Variants in SRL observed in about 807,000 individuals in gnomAD.
SRL encodes the protein sarcalumenin.
Under a neutral mutation model 39.5 loss-of-function variants are expected in SRL, and 23 were observed. The observed-to-expected ratio is 0.58, with a 90% confidence interval of 0.42 to 0.82. SRL has a LOEUF of 0.82. SRL is among the 40% of genes least tolerant of loss of function. The pLI, the probability that SRL is intolerant of heterozygous loss-of-function variation, is 0.00. For missense variants in SRL, 592 were observed against 607.8 expected, an observed-to-expected ratio of 0.97 and a Z score of 0.27; for synonymous variants, 272 against 237.4, an observed-to-expected ratio of 1.15 and a Z score of -1.34.
intron 4 of SRL, among the ~76,000 whole-genome samples, chr16:4,196,289 A>C: frequency 6.6e-6 from 1 of 151,962 alleles, no homozygotes; most frequent in East Asian, 1.9e-4. Context: ...ATTTTAAAGC[A>C]TGCAGTTCAG....
At chr16:4,198,751 C>T (rs1018974489) in intron 3 of SRL, among the ~76,000 whole-genome samples, 9 of 152,182 alleles carry the variant, frequency 5.9e-5, no homozygotes, top group Admixed American at 3.9e-4. Context: ...TTACCCTCTT[C>T]TAGGGCCACT....
At chr16:4,231,005 G>A (rs1158310987) in intron 1 of SRL, among the ~76,000 whole-genome samples, 1 of 152,088 alleles carries the variant, frequency 6.6e-6, no homozygotes, top group Non-Finnish European at 1.5e-5. Flanking sequence ...TTGGGCTCCA[G>A]AATTGTCAGA....
chr16:4,222,000 AC>A (rs752358699), intron 1 of SRL, among the ~76,000 whole-genome samples: 37 of 151,876 alleles, frequency 2.4e-4, no homozygotes, highest in Non-Finnish European at 4.7e-4. Flanking sequence ...ATCTGCAACC[AC>A]CCTACTTCCA....
chr16:4,231,675 A>G (rs1458068783), intron 1 of SRL, among the ~76,000 whole-genome samples: 3 of 152,084 alleles, frequency 2.0e-5, no homozygotes, highest in Non-Finnish European at 4.4e-5. Flanking sequence ...CTAGTCTGTA[A>G]GCTCTTTGAG....
Position 4,190,436 on chromosome 16 carries a change from C to A in SRL, c.*1717G>T, listed in dbSNP as rs1207380199. On this transcript the variant is annotated 3_prime_UTR_variant, in exon 6 of 6. Transcript: ENST00000399609. ...AAGCGGCTGGCTGTGTACAAAGGAGCCCCTCGAGGCAGCCCGGGCTGGGTC... is the reference window on the plus strand; with the variant it reads ...AAGCGGCTGGCTGTGTACAAAGGAGACCCTCGAGGCAGCCCGGGCTGGGTC... The A allele has an allele frequency of 2.5e-5, 10 of 398,632 alleles. No individual in the cohort carries two copies. Among genetic ancestry groups the A allele is most frequent in the Admixed American group, 4.4e-5 (1 of 22,706 alleles). 24.7% of individuals were successfully genotyped at this position (398,632 alleles called of 1,614,324 possible).
intron 1 of SRL, among the ~76,000 whole-genome samples, chr16:4,228,545 C>A (rs903901807): frequency 6.6e-6 from 1 of 151,888 alleles, no homozygotes; most frequent in Non-Finnish European, 1.5e-5. Flanking sequence ...ACCATCCTGG[C>A]TAACACGGTG....
At chr16:4,193,189 G>A (rs2141020532) in intron 5 of SRL, among the ~76,000 whole-genome samples, 1 of 152,198 alleles carries the variant, frequency 6.6e-6, no homozygotes, top group East Asian at 1.9e-4. Flanking sequence ...TGTTTTTTGA[G>A]ACAGGGTCTC....
intron 1 of SRL, among the ~76,000 whole-genome samples, chr16:4,230,242 G>T (rs1458702490): frequency 6.6e-6 from 1 of 152,122 alleles, no homozygotes; most frequent in East Asian, 1.9e-4. Context: ...GCCAGGGGGG[G>T]CAACCCATGA....
chr16:4,195,110 G>C lies in SRL; in HGVS notation c.610+443C>G, dbSNP rs184956313. Among the ~76,000 whole-genome samples, 534 of 151,920 alleles carry C rather than the reference G, an allele frequency of 3.5e-3. 3 individuals are homozygous for C. Among genetic ancestry groups the C allele is most frequent in the African/African-American group, 0.012 (500 of 41,286 alleles). On this transcript the variant is annotated intron_variant, in intron 5 of 5. Coordinates refer to ENST00000399609, the MANE Select transcript of SRL (RefSeq NM_001098814.2). ...GGGTTTTGCCATGTTGTCCAAGCTG[G>C]TCTAGAACACCTGGGCTTAAGTGAT...
intron 3 of SRL, among the ~76,000 whole-genome samples, chr16:4,199,329 A>G (rs886348122): frequency 4.0e-5 from 6 of 148,626 alleles, no homozygotes; most frequent in Non-Finnish European, 8.9e-5. Context: ...TTTAATGCAT[A>G]TATAAGCAAT....
intron 1 of SRL, among the ~76,000 whole-genome samples, chr16:4,220,310 A>ACACACACACACACACACAC (rs1567185112): frequency 3.7e-4 from 18 of 49,190 alleles, no homozygotes; most frequent in African/African-American, 1.4e-3. Context: ...CACACACACA[A>ACACACACACACACACACAC]ATAACCGGGT....
chr16:4,193,040 C>T, intron 5 of SRL, 76 bp from the exon 6 acceptor site: 1 of 1,304,398 alleles, frequency 7.7e-7, no homozygotes, highest in Non-Finnish European at 1.1e-6. Flanking sequence ...CAGAACTAAA[C>T]CATTCTGGGG....
intron 1 of SRL, among the ~76,000 whole-genome samples, chr16:4,206,490 G>A (rs2052320172): frequency 6.6e-6 from 1 of 152,164 alleles, no homozygotes; most frequent in Admixed American, 6.5e-5. Context: ...CTAAGGGGAG[G>A]TTCTGGGGCC....
intron 3 of SRL, among the ~76,000 whole-genome samples, chr16:4,202,364 C>T (rs1019739532): frequency 2.6e-5 from 4 of 152,086 alleles, no homozygotes; most frequent in East Asian, 1.9e-4. Context: ...GAGGCCGAAG[C>T]GGGCAGATCA....
chr16:4,225,340 G>A (rs543371762), intron 1 of SRL, among the ~76,000 whole-genome samples: 3 of 152,170 alleles, frequency 2.0e-5, no homozygotes, highest in South Asian at 2.1e-4. Flanking sequence ...CCCAGCACTC[G>A]GTGAGGCTGA....
intron 1 of SRL, among the ~76,000 whole-genome samples, chr16:4,238,886 G>A (rs893868315): frequency 2.0e-4 from 31 of 151,830 alleles, no homozygotes; most frequent in African/African-American, 3.1e-4. Flanking sequence ...TTCCCAAAGC[G>A]CTGGGATTAC....
rs1364786341 is a variant in SRL, at chr16:4,191,970, C to T, written c.*183G>A. 1 of 593,878 alleles carries T rather than the reference C, an allele frequency of 1.7e-6. No individual in the cohort carries two copies. The highest frequency in any genetic ancestry group is 2.8e-5 in the South Asian group (1 of 35,752). 36.8% of individuals were successfully genotyped at this position (593,878 alleles called of 1,614,324 possible). On this transcript the variant is annotated 3_prime_UTR_variant, in exon 6 of 6. Transcript: ENST00000399609. ...AACAAGACAAGCACACAGGAATTCA[C>T]AGTTTCCACTCTCCTCCCTAGACCC... is the stretch of plus-strand genomic sequence containing the variant.
chr16:4,202,486 G>A (rs1420195773), intron 3 of SRL, among the ~76,000 whole-genome samples: 1 of 151,864 alleles, frequency 6.6e-6, no homozygotes, highest in Non-Finnish European at 1.5e-5. Flanking sequence ...CCAGCTATTC[G>A]GGAGGCTGAG....
At chr16:4,199,364 C>CTTT (rs71139622) in intron 3 of SRL, among the ~76,000 whole-genome samples, 923 of 84,648 alleles carry the variant, frequency 0.011, 7 homozygotes, top group Non-Finnish European at 0.014. Flanking sequence ...TATTCCCCAT[C>CTTT]TTTTTTTTTT....
Sources: allele counts gnomAD v4.1 joint callset (sites outside exome capture counted in the v4.1 genomes callset), GRCh38; gene constraint gnomAD v4.1.1; transcripts MANE v1.5; gene names NCBI Gene and HGNC (gene_info 2026-07-23, HGNC 2026-07-21).